TMEM117: variants seen among roughly 807,000 people sequenced by gnomAD.
The protein encoded by TMEM117 is transmembrane protein 117.
Under a neutral mutation model 52.4 loss-of-function variants are expected in TMEM117, and 27 were observed. The ratio of observed to expected loss-of-function variants is 0.51; its 90% CI spans 0.38 to 0.71. The LOEUF (loss-of-function observed/expected upper bound fraction) is 0.71, where lower values mean the gene tolerates loss of function less well. TMEM117 is among the 30% of genes least tolerant of loss of function. The pLI, the probability that TMEM117 is intolerant of heterozygous loss-of-function variation, is 0.00. For missense variants in TMEM117, 556 were observed against 630.5 expected, an observed-to-expected ratio of 0.88 and a Z score of 1.26; for synonymous variants, 215 against 206.3, an observed-to-expected ratio of 1.04 and a Z score of -0.36.
At chr12:43,855,446 A>G (rs1943383984) in intron 2 of TMEM117, among the ~76,000 whole-genome samples, 2 of 152,142 alleles carry the variant, frequency 1.3e-5, no homozygotes, top group South Asian at 4.1e-4. Context: ...CATAAAAATC[A>G]TGATTTTTTA....
intron 6 of TMEM117, among the ~76,000 whole-genome samples, chr12:44,372,738 GA>G: frequency 6.6e-6 from 1 of 152,248 alleles, no homozygotes; most frequent in East Asian, 1.9e-4. Context: ...TTAAAAGCAG[GA>G]AATGATGTCA....
upstream of TMEM117, among the ~76,000 whole-genome samples, chr12:43,835,190 G>C (rs1349477229): frequency 6.6e-6 from 1 of 152,164 alleles, no homozygotes; most frequent in East Asian, 1.9e-4. Flanking sequence ...GGAAACAGAG[G>C]CCACACATAC....
At chr12:44,374,591 A>G (rs777082233) in intron 6 of TMEM117, among the ~76,000 whole-genome samples, 1 of 151,180 alleles carries the variant, frequency 6.6e-6, no homozygotes, top group East Asian at 2.0e-4. Context: ...GTGAAAGTAC[A>G]GGTGGGAAAT....
chr12:43,815,541 G>A, the TMEM117 span, among the ~76,000 whole-genome samples: 2 of 152,194 alleles, frequency 1.3e-5, no homozygotes, highest in Admixed American at 6.5e-5. Flanking sequence ...GCAGCCTGGC[G>A]ATAAAATACC....
chr12:44,363,561 A>C (rs935225567), intron 6 of TMEM117, among the ~76,000 whole-genome samples: 2 of 152,204 alleles, frequency 1.3e-5, no homozygotes, highest in African/African-American at 4.8e-5. Context: ...TGAAAAAGAA[A>C]AATCATTAAT....
At chr12:43,940,807 G>T (rs1422857418) in intron 2 of TMEM117, among the ~76,000 whole-genome samples, 1 of 152,146 alleles carries the variant, frequency 6.6e-6, no homozygotes, top group South Asian at 2.1e-4. Flanking sequence ...GCCTCCCAAA[G>T]TGCTGGGATT....
intron 2 of TMEM117, among the ~76,000 whole-genome samples, chr12:43,889,085 C>CT (rs111561510): frequency 0.11 from 14,965 of 140,462 alleles, 2,245 homozygotes; most frequent in African/African-American, 0.34. Context: ...GCGTTGGATT[C>CT]TTTTTTTTTT....
intron 5 of TMEM117, among the ~76,000 whole-genome samples, chr12:44,226,450 G>A (rs1308588021): frequency 6.6e-6 from 1 of 151,702 alleles, no homozygotes; most frequent in Non-Finnish European, 1.5e-5. Flanking sequence ...CCTGAAGTAG[G>A]GAGAGTTTAC....
At chr12:43,995,257 A>T (rs1435351413) in intron 3 of TMEM117, among the ~76,000 whole-genome samples, 1 of 124,398 alleles carries the variant, frequency 8.0e-6, no homozygotes, top group Non-Finnish European at 1.7e-5. Flanking sequence ...GCTCTGTCTT[A>T]AAAAAAAAAA....
chr12:43,864,703 A>G (rs1404067452), intron 2 of TMEM117, among the ~76,000 whole-genome samples: 3 of 152,148 alleles, frequency 2.0e-5, no homozygotes, highest in Non-Finnish European at 4.4e-5. Context: ...TCTCTGTGAA[A>G]TAGACCAATC....
intron 3 of TMEM117, among the ~76,000 whole-genome samples, chr12:43,988,600 C>A (rs1006327795): frequency 3.3e-5 from 5 of 151,952 alleles, no homozygotes; most frequent in African/African-American, 1.2e-4. Flanking sequence ...CAATGGTTAG[C>A]AATGGGAATT....
At chr12:44,303,368 A>T (rs1950866120) in intron 6 of TMEM117, among the ~76,000 whole-genome samples, 2 of 152,030 alleles carry the variant, frequency 1.3e-5, no homozygotes, top group Admixed American at 6.6e-5. Context: ...ATTTTTTTTT[A>T]AAAGAAACCA....
chr12:44,183,841 G>C (rs1053136533), intron 4 of TMEM117, among the ~76,000 whole-genome samples: 5 of 152,094 alleles, frequency 3.3e-5, no homozygotes, highest in Admixed American at 3.3e-4. Context: ...TCTTTTCTAC[G>C]TATTCATTGA....
chr12:44,256,549 A>G (rs1950262649), intron 5 of TMEM117, among the ~76,000 whole-genome samples: 1 of 152,078 alleles, frequency 6.6e-6, no homozygotes, highest in South Asian at 2.1e-4. Context: ...GTAGATTTAT[A>G]CAATGTGGAA....
At chr12:44,091,722 G>T (rs1197662521) in intron 3 of TMEM117, among the ~76,000 whole-genome samples, 1 of 152,082 alleles carries the variant, frequency 6.6e-6, no homozygotes, top group Admixed American at 6.5e-5. Context: ...CAAAATTCAA[G>T]GCTTTGGAAA....
chr12:44,140,942 G>T (rs997034079), intron 3 of TMEM117, among the ~76,000 whole-genome samples: 1 of 152,148 alleles, frequency 6.6e-6, no homozygotes, highest in Non-Finnish European at 1.5e-5. Context: ...GCAACCAGCT[G>T]TGTGTCATGC....
At chr12:44,317,284 T>TTA (rs539649274) in intron 6 of TMEM117, among the ~76,000 whole-genome samples, 7,694 of 146,898 alleles carry the variant, frequency 0.052, 285 homozygotes, top group African/African-American at 0.11. Flanking sequence ...TCTTTCCCTA[T>TTA]TATATATATA....
At chr12:43,944,408 T>G (rs987215226) in intron 3 of TMEM117, 66 bp downstream of exon 3, 3 of 1,460,642 alleles carry the variant, frequency 2.1e-6, no homozygotes, top group Non-Finnish European at 1.9e-6. Context: ...AATTTAAGAG[T>G]TTTTTAGCTT....
At chr12:44,057,170 C>G (rs1947069067) in intron 3 of TMEM117, among the ~76,000 whole-genome samples, 1 of 152,110 alleles carries the variant, frequency 6.6e-6, no homozygotes, top group Non-Finnish European at 1.5e-5. Context: ...CTTCAGCTCC[C>G]TTTAGAAAAG....
Sources: allele counts gnomAD v4.1 joint callset (sites outside exome capture counted in the v4.1 genomes callset), GRCh38; gene constraint gnomAD v4.1.1; transcripts MANE v1.5; gene names NCBI Gene and HGNC (gene_info 2026-07-23, HGNC 2026-07-21).